Variants in METTL22 observed in about 807,000 individuals in gnomAD.
The protein encoded by METTL22 is methyltransferase-like protein 22.
A neutral mutation model predicts 48.4 loss-of-function variants in METTL22; 51 were observed. The observed-to-expected ratio is 1.05, with a 90% confidence interval of 0.84 to 1.33. The LOEUF is 1.33. Among genes scored for constraint, METTL22 ranks in the 40% most tolerant of loss-of-function variants. The probability of loss-of-function intolerance (pLI) is 0.00; values close to 1 mark genes in which losing one functional copy is unlikely to be tolerated. For synonymous variants in METTL22, 255 were observed against 214.1 expected (o/e 1.19, Z -1.67); for missense variants, 678 against 526.9 (o/e 1.29, Z -2.81).
At chr16:8,657,404 A>C in the METTL22 span, among the ~76,000 whole-genome samples, 1 of 152,230 alleles carries the variant, frequency 6.6e-6, no homozygotes, top group African/African-American at 2.4e-5. Flanking sequence ...CAGGAATAGC[A>C]AATGTCACAA....
the METTL22 span, among the ~76,000 whole-genome samples, chr16:8,657,820 C>CTTTTTTTT: frequency 0.012 from 1,631 of 137,084 alleles, 92 homozygotes; most frequent in South Asian, 0.11. Flanking sequence ...CTTTTCTTTT[C>CTTTTTTTT]TTTCTTTTTT....
At chr16:8,637,188 C>G (rs1641043) in intron 5 of METTL22, among the ~76,000 whole-genome samples, 150,424 of 152,332 alleles carry the variant, frequency 0.99, 74,305 homozygotes, top group Middle Eastern at 1. Flanking sequence ...TTACCTGGCA[C>G]AGACTTTTGT....
At position 8,644,725 on chromosome 16, in the gene METTL22, G is replaced by C. The variant is rs2056732830; in HGVS notation, c.1179G>C (p.Leu393=). 3 of 1,576,546 alleles carry C rather than the reference G, an allele frequency of 1.9e-6. No individual in the cohort carries two copies. The highest frequency in any genetic ancestry group is 1.4e-5 in the African/African-American group (1 of 73,802). ...QLLVYERLQQ[L]ELWKIIAEPV... is the part of the protein sequence containing the mutation. ...TGGTTTACGAGCGCCTCCAGCAACT[G>C]GTAGGTCCAGGCCCCGAAGCAGGGC... Residue 393 remains leucine (L), a splice_region_variant and synonymous_variant, in exon 10 of 11, where the codon CTG becomes CTC. Coordinates refer to ENST00000381920, the MANE Select transcript of METTL22 (RefSeq NM_024109.4).
rs537361389 is a variant in METTL22 at position 8,646,658 on chromosome 16, G to C, written c.*515G>C. Reference sequence around the variant, plus strand: ...CCATGAGAAGGAAGAGGCAGGAGCTGGCGCCAGGAATGGACTGGCATTGGC... The same window carrying C: ...CCATGAGAAGGAAGAGGCAGGAGCTCGCGCCAGGAATGGACTGGCATTGGC... On this transcript the variant is annotated 3_prime_UTR_variant, in exon 11 of 11. Coordinates refer to ENST00000381920, the MANE Select transcript of METTL22 (RefSeq NM_024109.4). 1 of 458,226 alleles carries C rather than the reference G, an allele frequency of 2.2e-6. No homozygotes were observed. Among genetic ancestry groups the C allele is most frequent in the East Asian group, 6.9e-5 (1 of 14,448 alleles). 28.4% of individuals were successfully genotyped at this position (458,226 alleles called of 1,614,324 possible).
In METTL22 at chr16:8,646,409, G is replaced by C. The variant is rs182378756; in HGVS notation, c.*266G>C. 1.5e-6 allele frequency: 1 copy of C among 674,036 alleles called. No homozygotes were observed. The highest frequency in any genetic ancestry group is 2.7e-6 in the Non-Finnish European group (1 of 367,388). The allele number at this position is 674,036 out of a possible 1,614,324, so 41.8% of individuals were successfully genotyped here. ...GTGCTCCAGGGTCAAGCCGAGCCAC[G>C]TTCCTTCTCAGCTCAGTTCCACCCA... On this transcript the variant is annotated 3_prime_UTR_variant, in exon 11 of 11. Coordinates refer to ENST00000381920, the MANE Select transcript of METTL22 (RefSeq NM_024109.4).
At chr16:8,637,343 T>A (rs1641044) in intron 5 of METTL22, among the ~76,000 whole-genome samples, 2 of 152,186 alleles carry the variant, frequency 1.3e-5, no homozygotes, top group East Asian at 1.9e-4. Context: ...ATCAGTGAGC[T>A]CTTCTCAGAG....
the METTL22 span, among the ~76,000 whole-genome samples, chr16:8,660,803 GAGGAGGAGGAGGA>G: frequency 5.0e-5 from 1 of 19,922 alleles, no homozygotes; most frequent in Non-Finnish European, 1.2e-4. Context: ...GGAGGAGGAG[GAGGAGGAGGAGGA>G]GGAGGAGGAG....
intron 3 of METTL22, among the ~76,000 whole-genome samples, 171 bp from the exon 4 acceptor site, chr16:8,634,868 C>T (rs1189914083): frequency 6.6e-6 from 1 of 152,182 alleles, no homozygotes; most frequent in Non-Finnish European, 1.5e-5. Context: ...GCTCAAAAGT[C>T]GCCTCCTAAC....
downstream of METTL22, among the ~76,000 whole-genome samples, chr16:8,650,255 T>A (rs1391434854): frequency 6.6e-6 from 1 of 152,182 alleles, no homozygotes; most frequent in Non-Finnish European, 1.5e-5. Flanking sequence ...GCGAAGGAAT[T>A]CTAGGCTGCA....
At chr16:8,660,811 G>GCT in the METTL22 span, among the ~76,000 whole-genome samples, 1 of 18,636 alleles carries the variant, frequency 5.4e-5, no homozygotes, top group African/African-American at 2.5e-4. Context: ...AGGAGGAGGA[G>GCT]GAGGAGGAGG....
At chr16:8,645,439 C>T (rs1458812320) in intron 10 of METTL22, among the ~76,000 whole-genome samples, 1 of 152,184 alleles carries the variant, frequency 6.6e-6, no homozygotes, top group Non-Finnish European at 1.5e-5. Context: ...ACCAAGAACA[C>T]ACATTTCTTA....
chr16:8,632,509 G>A (rs1203487797), intron 3 of METTL22, among the ~76,000 whole-genome samples: 1 of 152,082 alleles, frequency 6.6e-6, no homozygotes, highest in Non-Finnish European at 1.5e-5. Flanking sequence ...CGGCCATCTC[G>A]ACACATTTTG....
At chr16:8,629,969 C>T (rs970816546) in intron 3 of METTL22, among the ~76,000 whole-genome samples, 1 of 152,056 alleles carries the variant, frequency 6.6e-6, no homozygotes, top group South Asian at 2.1e-4. Flanking sequence ...TGGTGGTGAG[C>T]GAGCTTCGAA....
intron 10 of METTL22, 135 bp downstream of exon 10, chr16:8,644,860 C>A: frequency 1.1e-6 from 1 of 908,598 alleles, no homozygotes; most frequent in African/African-American, 1.7e-5. Context: ...GCCTGCGTGC[C>A]TGGCACCATC....
At position 8,644,570 on chromosome 16, in the gene METTL22, T is replaced by C. The variant is rs1641066; in HGVS notation, c.1024T>C (p.Leu342=). 1,563,074 of 1,566,702 alleles carry C rather than the reference T, an allele frequency of 1. 779,812 individuals are homozygous for C. The highest frequency in any genetic ancestry group is 1 in the East Asian group (42,056 of 42,056). ...GCTGGTTTGCAGGCTCAACTTCACA[T>C]TGAGACACTTGGACGTCACATGTGA... ...LSVEKRLNFT[L]RHLDVTCEAY... is the part of the protein sequence containing the mutation. The change falls in exon 10 of 11, where the codon TTG becomes CTG. Residue 342 remains leucine, a synonymous_variant. Transcript: ENST00000381920.
At position 8,646,149 on chromosome 16, in the gene METTL22, C is replaced by G; in HGVS notation, c.*6C>G. ...TCGCAGAACCAGTAACATGACCCAT[C>G]GCCTCCACAAGGCGCGGCGTCTCGA... On this transcript the variant is annotated 3_prime_UTR_variant, in exon 11 of 11. Coordinates refer to ENST00000381920, the MANE Select transcript of METTL22 (RefSeq NM_024109.4). The G allele has an allele frequency of 1.2e-6, 2 of 1,614,090 alleles. No individual in the cohort carries two copies. Among genetic ancestry groups the G allele is most frequent in the East Asian group, 2.2e-5 (1 of 44,878 alleles).
In METTL22 at chr16:8,646,215, C is replaced by T; in HGVS notation, c.*72C>T. The T allele has an allele frequency of 6.4e-7, 1 of 1,555,332 alleles. No homozygotes were observed. The highest frequency in any genetic ancestry group is 8.9e-7 in the Non-Finnish European group (1 of 1,127,662). On this transcript the variant is annotated 3_prime_UTR_variant, in exon 11 of 11. Coordinates refer to ENST00000381920, the MANE Select transcript of METTL22 (RefSeq NM_024109.4). ...ATTTCTAGTAAAATCAGAAGCTCAC[C>T]AAAGCAACATGCTTGAGATTTTGTC...
chr16:8,634,182 A>G (rs1596346314), intron 3 of METTL22, among the ~76,000 whole-genome samples: 1 of 152,356 alleles, frequency 6.6e-6, no homozygotes, highest in South Asian at 2.1e-4. Flanking sequence ...ATCTTTGGCC[A>G]GATTTTCCCA....
intron 9 of METTL22, among the ~76,000 whole-genome samples, chr16:8,643,311 T>C (rs147273742): frequency 4.6e-5 from 7 of 152,214 alleles, no homozygotes; most frequent in Non-Finnish European, 1.0e-4. Flanking sequence ...GCAATAGCAA[T>C]GTACAGACCT....
Sources: allele counts gnomAD v4.1 joint callset (sites outside exome capture counted in the v4.1 genomes callset), GRCh38; gene constraint gnomAD v4.1.1; transcripts MANE v1.5; gene names NCBI Gene and HGNC (gene_info 2026-07-23, HGNC 2026-07-21).